The following BCL2L13 variants were observed in gnomAD, a reference collection of about 807,000 sequenced individuals.
BCL2L13 encodes bcl-2-like protein 13.
BCL2L13 carries 13 observed loss-of-function variants against 25.8 expected under a neutral mutation model. That is an observed-to-expected ratio of 0.50 (90% CI 0.33 to 0.80). The LOEUF is 0.80. Ranked by LOEUF, BCL2L13 falls within the 30% of genes least tolerant of loss-of-function variation. BCL2L13 has a pLI of 0.02. For missense variants in BCL2L13, 504 were observed against 574.9 expected (o/e 0.88, Z 1.26); for synonymous variants, 244 against 230.3 (o/e 1.06, Z -0.54).
At chr22:17,679,204 G>A (rs1046279305) in intron 2 of BCL2L13, among the ~76,000 whole-genome samples, 6 of 149,912 alleles carry the variant, frequency 4.0e-5, no homozygotes, top group African/African-American at 1.5e-4. Context: ...TGATGTGATT[G>A]TGAATCTGGC....
chr22:17,641,231 A>G (rs2058271238), intron 1 of BCL2L13, among the ~76,000 whole-genome samples: 1 of 152,196 alleles, frequency 6.6e-6, no homozygotes, highest in Admixed American at 6.6e-5. Flanking sequence ...TCAGGCATAC[A>G]AAACACAAGT....
chr22:17,641,834 C>T (rs569801899), intron 1 of BCL2L13, among the ~76,000 whole-genome samples: 1 of 144,180 alleles, frequency 6.9e-6, no homozygotes, highest in African/African-American at 2.6e-5. Flanking sequence ...GAGTCTCACT[C>T]TGTCGCCCAG....
Position 17,730,092 on chromosome 22 carries a change from A to G in BCL2L13, c.*2558A>G, listed in dbSNP as rs560021381. ...GAATAAATCCAACTTGTTTATAGAA[A>G]AGTTCTTGTTAGTCCTTAGACCTCA... On this transcript the variant is annotated 3_prime_UTR_variant, in exon 7 of 7. Transcript: ENST00000317582. The G allele has an allele frequency of 1.3e-5, 2 of 152,218 alleles. No individual in the cohort carries two copies. The highest frequency in any genetic ancestry group is 2.9e-5 in the Non-Finnish European group (2 of 68,046). 9.4% of individuals were successfully genotyped at this position (152,218 alleles called of 1,614,324 possible).
At chr22:17,692,863 C>T (rs1055282906) in intron 4 of BCL2L13, among the ~76,000 whole-genome samples, 4 of 152,000 alleles carry the variant, frequency 2.6e-5, no homozygotes, top group African/African-American at 9.7e-5. Flanking sequence ...TTATTTAGCC[C>T]AGTACATCTA....
At chr22:17,671,160 C>T (rs1307765023) in intron 2 of BCL2L13, among the ~76,000 whole-genome samples, 2 of 151,952 alleles carry the variant, frequency 1.3e-5, no homozygotes, top group South Asian at 2.1e-4. Flanking sequence ...TTTGGGAGGC[C>T]GAGGTGGGTA....
At chr22:17,695,963 G>C (rs187248776) in intron 4 of BCL2L13, 178 bp from the exon 5 acceptor site, 1 of 481,252 alleles carries the variant, frequency 2.1e-6, no homozygotes, top group East Asian at 3.2e-5. Context: ...ACAGCTTATA[G>C]AATGCTTGAA....
chr22:17,651,236 G>T (rs1048859485), intron 1 of BCL2L13, among the ~76,000 whole-genome samples: 54 of 150,840 alleles, frequency 3.6e-4, no homozygotes, highest in Admixed American at 6.6e-5. Flanking sequence ...CTGACCTCGT[G>T]ATCTACCCGC....
chr22:17,676,642 G>A (rs1050694672), intron 2 of BCL2L13, among the ~76,000 whole-genome samples: 9 of 152,084 alleles, frequency 5.9e-5, no homozygotes, highest in African/African-American at 1.7e-4. Context: ...ATTAATTTCT[G>A]AGCTTGTGTT....
intron 1 of BCL2L13, among the ~76,000 whole-genome samples, chr22:17,632,694 A>G (rs1276358607): frequency 6.6e-6 from 1 of 151,984 alleles, no homozygotes; most frequent in East Asian, 1.9e-4. Context: ...AGCACTGTCT[A>G]GATCAACCGT....
chr22:17,721,110 C>T (rs1335863492), intron 6 of BCL2L13, among the ~76,000 whole-genome samples: 1 of 151,756 alleles, frequency 6.6e-6, no homozygotes, highest in African/African-American at 2.4e-5. Context: ...GTGGAGCTTA[C>T]AGTGAGCCGA....
chr22:17,666,221 A>T (rs191758115), intron 2 of BCL2L13, among the ~76,000 whole-genome samples: 2,843 of 113,862 alleles, frequency 0.025, 80 homozygotes, highest in African/African-American at 0.094. Flanking sequence ...TTATTTTTTT[A>T]AATTTTTTGA....
In BCL2L13 at chr22:17,728,419, G is replaced by C. The variant is rs181379; in HGVS notation, c.*885G>C. The C allele has an allele frequency of 0.044, 6,755 of 152,310 alleles. 190 individuals carry two copies. Among genetic ancestry groups the C allele is most frequent in the African/African-American group, 0.066 (2,732 of 41,558 alleles). 9.4% of individuals were successfully genotyped at this position (152,310 alleles called of 1,614,324 possible). A position where few individuals can be genotyped will look rare whatever the true frequency, so the allele number is the denominator to read the frequency against. On this transcript the variant is annotated 3_prime_UTR_variant, in exon 7 of 7. Coordinates refer to ENST00000317582, the MANE Select transcript of BCL2L13 (RefSeq NM_015367.4). Reference sequence around the variant, plus strand: ...GGCTAGAGAGACACATGTGTCTTGTGTCAAGGCAGGAGGATAACCTGGATG... The same window carrying C: ...GGCTAGAGAGACACATGTGTCTTGTCTCAAGGCAGGAGGATAACCTGGATG...
At chr22:17,674,071 A>G (rs1019991330) in intron 2 of BCL2L13, among the ~76,000 whole-genome samples, 2 of 152,220 alleles carry the variant, frequency 1.3e-5, no homozygotes, top group African/African-American at 4.8e-5. Context: ...AATAAAGTAC[A>G]AAATCATCAA....
chr22:17,677,741 G>A (rs1034476188), intron 2 of BCL2L13, among the ~76,000 whole-genome samples: 1 of 152,060 alleles, frequency 6.6e-6, no homozygotes, highest in Non-Finnish European at 1.5e-5. Flanking sequence ...GTGTGGTGGT[G>A]TGCACCTGTA....
chr22:17,662,203 G>A (rs1380801698), intron 2 of BCL2L13, among the ~76,000 whole-genome samples: 3 of 152,158 alleles, frequency 2.0e-5, no homozygotes, highest in African/African-American at 4.8e-5. Flanking sequence ...GAGGGGCTGC[G>A]CGTGGTGGCT....
chr22:17,639,126 G>A (rs1171741151), intron 1 of BCL2L13, among the ~76,000 whole-genome samples: 2 of 152,220 alleles, frequency 1.3e-5, no homozygotes, highest in East Asian at 1.9e-4. Context: ...GGCTTCTTCC[G>A]GCGTGGGGTG....
At chr22:17,718,677 A>C (rs2061013654) in intron 6 of BCL2L13, among the ~76,000 whole-genome samples, 3 of 152,212 alleles carry the variant, frequency 2.0e-5, no homozygotes. Flanking sequence ...CCATATGAGG[A>C]ATGGCACTAA....
exon 1 of BCL2L13, chr22:17,628,917 C>A: frequency 2.0e-6 from 1 of 510,286 alleles, no homozygotes; most frequent in Non-Finnish European, 3.6e-6. Context: ...GTATTTTTTT[C>A]CTAAACTGGG....
At chr22:17,716,150 C>T (rs920270131) in intron 6 of BCL2L13, among the ~76,000 whole-genome samples, 46 of 152,160 alleles carry the variant, frequency 3.0e-4, no homozygotes, top group African/African-American at 1.0e-3. Context: ...GTGGTCCAGA[C>T]TCAGTGCCGT....
Sources: allele counts gnomAD v4.1 joint callset (sites outside exome capture counted in the v4.1 genomes callset), GRCh38; gene constraint gnomAD v4.1.1; transcripts MANE v1.5; gene names NCBI Gene and HGNC (gene_info 2026-07-23, HGNC 2026-07-21).